Variants in RIGI observed in about 807,000 individuals in gnomAD.
RIGI encodes antiviral innate immune response receptor RIG-I.
At chr9:32,507,246 A>G in the RIGI span, among the ~76,000 whole-genome samples, 3 of 152,190 alleles carry the variant, frequency 2.0e-5, no homozygotes, top group Non-Finnish European at 2.9e-5. Flanking sequence ...AAAACTCATA[A>G]AAGTTATGCT....
chr9:32,509,031 T>G, the RIGI span, among the ~76,000 whole-genome samples: 1 of 152,118 alleles, frequency 6.6e-6, no homozygotes. Context: ...AAAGCCACTA[T>G]AGCTAGACTG....
the RIGI span, chr9:32,487,587 G>T: frequency 1.9e-6 from 3 of 1,614,170 alleles, no homozygotes; most frequent in Non-Finnish European, 2.5e-6. Flanking sequence ...GGCTTCATCT[G>T]TGTTTTTGGC....
At chr9:32,460,985 C>CT in the RIGI span, among the ~76,000 whole-genome samples, 1 of 151,194 alleles carries the variant, frequency 6.6e-6, no homozygotes, top group East Asian at 1.9e-4. Context: ...AAAAAACACT[C>CT]TAAGACAGGT....
the RIGI span, among the ~76,000 whole-genome samples, chr9:32,507,748 C>G: frequency 6.6e-6 from 1 of 151,912 alleles, no homozygotes; most frequent in South Asian, 2.1e-4. Context: ...GGGGCTCAAG[C>G]AATCCTCCCA....
the RIGI span, chr9:32,459,223 T>A: frequency 7.0e-6 from 7 of 1,001,108 alleles, no homozygotes; most frequent in Non-Finnish European, 1.0e-5. Flanking sequence ...TTAGTATTTT[T>A]TTTTCACTTC....
At chr9:32,515,158 T>C in the RIGI span, among the ~76,000 whole-genome samples, 1 of 152,002 alleles carries the variant, frequency 6.6e-6, no homozygotes, top group African/African-American at 2.4e-5. Flanking sequence ...TCCTAGCACT[T>C]TGAGAGGCCA....
At chr9:32,515,416 TCTC>T in the RIGI span, among the ~76,000 whole-genome samples, 1 of 152,104 alleles carries the variant, frequency 6.6e-6, no homozygotes, top group Non-Finnish European at 1.5e-5. Context: ...TGTATTCCCT[TCTC>T]AATAAACTCA....
the RIGI span, among the ~76,000 whole-genome samples, chr9:32,515,334 A>G: frequency 2.0e-5 from 2 of 101,866 alleles, no homozygotes; most frequent in Admixed American, 9.0e-5. Flanking sequence ...AAAAAAAAAA[A>G]GCCACACGTT....
chr9:32,463,712 G>A, the RIGI span, among the ~76,000 whole-genome samples: 7 of 151,592 alleles, frequency 4.6e-5, no homozygotes, highest in Admixed American at 2.0e-4. Flanking sequence ...TGCAACCTGT[G>A]GCTAAAGAAG....
the RIGI span, among the ~76,000 whole-genome samples, chr9:32,462,612 T>G: frequency 2.0e-4 from 30 of 152,102 alleles, no homozygotes; most frequent in South Asian, 2.1e-4. Context: ...CTTCACCATG[T>G]CAGCCAGGCT....
chr9:32,508,256 T>TTTTTTTTTTTTTGTTTGTTTG, the RIGI span, among the ~76,000 whole-genome samples: 1 of 143,296 alleles, frequency 7.0e-6, no homozygotes, highest in African/African-American at 2.6e-5. Context: ...TTTTTTTTTT[T>TTTTTTTTTTTTTGTTTGTTTG]TTACTATATG....
chr9:32,476,518 A>G, the RIGI span, among the ~76,000 whole-genome samples: 1 of 152,264 alleles, frequency 6.6e-6, no homozygotes, highest in African/African-American at 2.4e-5. Flanking sequence ...GTGGGGGAAA[A>G]AAAAACAACA....
At chr9:32,510,610 C>T in the RIGI span, among the ~76,000 whole-genome samples, 10 of 152,312 alleles carry the variant, frequency 6.6e-5, no homozygotes, top group East Asian at 1.9e-3. Flanking sequence ...GAAAGGAAAA[C>T]TGGTACCAGC....
the RIGI span, among the ~76,000 whole-genome samples, chr9:32,521,152 A>AAAAAAAAAAAAAAAAAAAAAAAAC: frequency 6.6e-6 from 1 of 150,414 alleles, no homozygotes; most frequent in Non-Finnish European, 1.5e-5. Context: ...AAAAAAAAAA[A>AAAAAAAAAAAAAAAAAAAAAAAAC]AAAAAAAAAA....
At chr9:32,478,652 C>T in the RIGI span, among the ~76,000 whole-genome samples, 1 of 152,058 alleles carries the variant, frequency 6.6e-6, no homozygotes, top group East Asian at 1.9e-4. Flanking sequence ...GTCTGCCTTC[C>T]AGGCTCAGGT....
At chr9:32,481,567 T>C in the RIGI span, 1 of 1,094,360 alleles carries the variant, frequency 9.1e-7, no homozygotes, top group Non-Finnish European at 1.3e-6. Flanking sequence ...TAAACAGGCC[T>C]CACCCTCTAA....
the RIGI span, among the ~76,000 whole-genome samples, chr9:32,462,622 T>C: frequency 6.6e-6 from 1 of 151,984 alleles, no homozygotes; most frequent in Non-Finnish European, 1.5e-5. Flanking sequence ...TCAGCCAGGC[T>C]GGTCTTGAAC....
At chr9:32,465,055 A>T in the RIGI span, among the ~76,000 whole-genome samples, 2 of 152,314 alleles carry the variant, frequency 1.3e-5, no homozygotes, top group Admixed American at 6.5e-5. Flanking sequence ...AGAAGAGATA[A>T]AAATTATGCC....
the RIGI span, chr9:32,472,948 T>C: frequency 2.5e-5 from 39 of 1,538,666 alleles, no homozygotes; most frequent in Non-Finnish European, 3.5e-5. Context: ...CATAATCCAC[T>C]AAATCTAATT....
Sources: gnomAD v4.1 joint callset for allele counts (sites outside exome capture counted in the v4.1 genomes callset) on GRCh38, gnomAD v4.1.1 for gene constraint, MANE v1.5 for transcripts, NCBI Gene and HGNC (gene_info 2026-07-23, HGNC 2026-07-21) for gene names.